The following IQCM variants were observed in gnomAD, a reference collection of about 807,000 sequenced individuals.
IQCM encodes IQ motif containing M, also known as IQ domain-containing protein M.
IQCM carries 45 observed loss-of-function variants against 57.6 expected under a neutral mutation model. The observed-to-expected ratio is 0.78, with a 90% CI of 0.62 to 1.00. The LOEUF (loss-of-function observed/expected upper bound fraction) is 1.00. Ranked by LOEUF, IQCM falls within the 50% of genes least tolerant of loss-of-function variation. IQCM has a pLI of 0.00. For synonymous variants in IQCM, 148 were observed against 158.9 expected, an observed-to-expected ratio of 0.93 and a Z score of 0.51; for missense variants, 468 against 511.6, an observed-to-expected ratio of 0.91 and a Z score of 0.82.
chr4:149,523,697 T>C (rs1399882558), intron 12 of IQCM, among the ~76,000 whole-genome samples: 1 of 152,108 alleles, frequency 6.6e-6, no homozygotes, highest in Non-Finnish European at 1.5e-5. Flanking sequence ...GCTGGATCAA[T>C]TGATGAACTG....
At chr4:149,593,078 C>T (rs1268580574) in intron 8 of IQCM, among the ~76,000 whole-genome samples, 1 of 152,088 alleles carries the variant, frequency 6.6e-6, no homozygotes, top group Non-Finnish European at 1.5e-5. Context: ...ATTGGTTCTT[C>T]CTATCCATGA....
At chr4:149,420,456 A>T (rs943146992) in intron 13 of IQCM, among the ~76,000 whole-genome samples, 1 of 152,002 alleles carries the variant, frequency 6.6e-6, no homozygotes, top group Non-Finnish European at 1.5e-5. Flanking sequence ...GGAGCGAAAT[A>T]ACAACACTGA....
intron 7 of IQCM, among the ~76,000 whole-genome samples, chr4:149,638,754 T>G (rs1757934669): frequency 6.6e-6 from 1 of 152,312 alleles, no homozygotes; most frequent in East Asian, 1.9e-4. Flanking sequence ...TAGCAACTGC[T>G]GATTCATCAA....
chr4:149,468,176 G>A (rs1469957268), intron 12 of IQCM, among the ~76,000 whole-genome samples: 3 of 152,094 alleles, frequency 2.0e-5, no homozygotes, highest in Admixed American at 6.6e-5. Context: ...GCTGGGCGGG[G>A]CATCGCCTCA....
At chr4:149,686,788 T>C (rs1762573534) in intron 5 of IQCM, among the ~76,000 whole-genome samples, 1 of 151,536 alleles carries the variant, frequency 6.6e-6, no homozygotes, top group Admixed American at 6.6e-5. Context: ...CATTTATACA[T>C]ATCAGTATTA....
At chr4:149,489,465 C>T (rs1204664045) in intron 12 of IQCM, among the ~76,000 whole-genome samples, 1 of 151,964 alleles carries the variant, frequency 6.6e-6, no homozygotes, top group Non-Finnish European at 1.5e-5. Context: ...ATGAGTGCTA[C>T]AGTATATAAG....
chr4:149,691,426 G>A (rs759334249), intron 5 of IQCM, among the ~76,000 whole-genome samples: 10 of 152,130 alleles, frequency 6.6e-5, no homozygotes, highest in Non-Finnish European at 1.0e-4. Context: ...GAGCAGTGTA[G>A]AGTATAATGG....
chr4:149,502,988 A>G lies in IQCM; in HGVS notation c.1228+45467T>C, dbSNP rs566177889. 2.6e-5 allele frequency among the ~76,000 whole-genome samples: 4 copies of G among 152,210 alleles called. No homozygotes were observed. In the East Asian group the frequency reaches 7.7e-4, roughly 29 times the overall value. On this transcript the variant is annotated intron_variant, in intron 12 of 13. Coordinates refer to ENST00000636793, the MANE Select transcript of IQCM (RefSeq NM_001363507.2). ...ATGCCTCTAATCCTAATACTTTGAG[A>G]GACTGAAGTGAGAAGATTTTTCAAG...
intron 13 of IQCM, among the ~76,000 whole-genome samples, chr4:149,396,098 AT>A (rs900114704): frequency 3.1e-4 from 47 of 151,982 alleles, no homozygotes; most frequent in Admixed American, 2.4e-3. Context: ...TTGCATTTTA[AT>A]TTTTTTACAT....
At chr4:149,702,332 C>A (rs1257067175) in intron 5 of IQCM, among the ~76,000 whole-genome samples, 2 of 133,836 alleles carry the variant, frequency 1.5e-5, no homozygotes, top group East Asian at 2.3e-4. Context: ...ACACACACAC[C>A]CATAGCACAT....
chr4:149,808,450 A>T (rs1453160389), intron 2 of IQCM, among the ~76,000 whole-genome samples: 2 of 152,178 alleles, frequency 1.3e-5, no homozygotes, highest in Admixed American at 1.3e-4. Flanking sequence ...AAATACAGTT[A>T]CATAGCAATA....
In IQCM at chr4:149,354,363, C is replaced by CAAAAAAAAAAAAAAAAAA. The variant is rs70965178; in HGVS notation, c.1391-2315_1391-2298dup. Among the ~76,000 whole-genome samples the CAAAAAAAAAAAAAAAAAA allele has an allele frequency of 5.4e-4, 11 of 20,212 alleles. 1 individual carries two copies. The highest frequency in any genetic ancestry group is 1.4e-3 in the Admixed American group (2 of 1,478). 13.3% of individuals were successfully genotyped at this position (20,212 alleles called of 152,430 possible). On this transcript the variant is annotated intron_variant, in intron 13 of 13. Transcript: ENST00000636793. ...TGGGCGACAGAGCGAGACTCCGTCTCAAAAAAAAAAAAAAAAAAAAAAAAA... is the reference window on the plus strand; with the variant it reads ...TGGGCGACAGAGCGAGACTCCGTCTCAAAAAAAAAAAAAAAAAAAAAAAAAAAAAAAAAAAAAAAAAAA...
At chr4:149,407,526 A>ATT (rs1733072282) in intron 13 of IQCM, among the ~76,000 whole-genome samples, 1 of 151,964 alleles carries the variant, frequency 6.6e-6, no homozygotes, top group African/African-American at 2.4e-5. Context: ...ATGTCCATGT[A>ATT]CCCATTGATT....
intron 12 of IQCM, among the ~76,000 whole-genome samples, chr4:149,435,711 G>A (rs1162135023): frequency 1.3e-5 from 2 of 151,930 alleles, no homozygotes; most frequent in African/African-American, 2.4e-5. Context: ...AGATGTGGAG[G>A]AGAAAGACAG....
At chr4:149,690,184 G>A (rs115674903) in intron 5 of IQCM, among the ~76,000 whole-genome samples, 254 of 152,194 alleles carry the variant, frequency 1.7e-3, no homozygotes, top group Non-Finnish European at 2.2e-3. Flanking sequence ...ATCAATGAGC[G>A]GATAAAGAAA....
At chr4:149,581,642 G>A (rs931604259) in intron 9 of IQCM, among the ~76,000 whole-genome samples, 1 of 151,756 alleles carries the variant, frequency 6.6e-6, no homozygotes, top group Non-Finnish European at 1.5e-5. Flanking sequence ...AAGCTGACAT[G>A]ACGGGTTTCA....
chr4:149,773,328 G>A (rs1320285463), intron 2 of IQCM, among the ~76,000 whole-genome samples: 1 of 151,522 alleles, frequency 6.6e-6, no homozygotes, highest in African/African-American at 2.4e-5. Context: ...CTCCAGCCTG[G>A]GCGACGGAGC....
At chr4:149,621,540 T>A (rs1756336871) in intron 7 of IQCM, among the ~76,000 whole-genome samples, 1 of 152,154 alleles carries the variant, frequency 6.6e-6, no homozygotes, top group Non-Finnish European at 1.5e-5. Context: ...ATGAAGAACA[T>A]CAACTTCTTT....
chr4:149,776,936 T>C (rs1580271007), intron 2 of IQCM, among the ~76,000 whole-genome samples: 1 of 152,196 alleles, frequency 6.6e-6, no homozygotes, highest in Non-Finnish European at 1.5e-5. Context: ...ATTTTTCTAA[T>C]TTCTGTCGAT....
Sources: gnomAD v4.1 joint callset for allele counts (sites outside exome capture counted in the v4.1 genomes callset) on GRCh38, gnomAD v4.1.1 for gene constraint, MANE v1.5 for transcripts, NCBI Gene and HGNC (gene_info 2026-07-23, HGNC 2026-07-21) for gene names.